PRKN: variants seen among roughly 807,000 people sequenced by gnomAD.
PRKN encodes E3 ubiquitin-protein ligase parkin.
PRKN carries 56 observed loss-of-function variants against 59.5 expected under a neutral mutation model. The observed-to-expected ratio is 0.94, with a 90% CI of 0.76 to 1.18. The LOEUF (loss-of-function observed/expected upper bound fraction) is 1.18. Among genes scored for constraint, PRKN ranks in the 50% most tolerant of loss-of-function variants. The pLI, the probability that PRKN is intolerant of heterozygous loss-of-function variation, is 0.00. For synonymous variants in PRKN, 250 were observed against 222.1 expected, an observed-to-expected ratio of 1.13 and a Z score of -1.12; for missense variants, 657 against 596.4, an observed-to-expected ratio of 1.10 and a Z score of -1.06.
intron 6 of PRKN, among the ~76,000 whole-genome samples, chr6:161,822,928 T>C (rs1209661743): frequency 6.6e-6 from 1 of 152,160 alleles, no homozygotes; most frequent in Non-Finnish European, 1.5e-5. Flanking sequence ...TTTTTTTAAC[T>C]GGTTTACTTA....
intron 2 of PRKN, among the ~76,000 whole-genome samples, chr6:162,314,941 G>C (rs887840338): frequency 6.6e-6 from 1 of 152,084 alleles, no homozygotes; most frequent in Non-Finnish European, 1.5e-5. Context: ...TATATAATTG[G>C]TTTTTCGAAA....
intron 2 of PRKN, among the ~76,000 whole-genome samples, chr6:162,312,223 T>A (rs375361676): frequency 6.6e-6 from 1 of 152,104 alleles, no homozygotes; most frequent in African/African-American, 2.4e-5. Context: ...CCTCTGCCAC[T>A]GTTTCATTTT....
intron 5 of PRKN, among the ~76,000 whole-genome samples, chr6:161,980,838 T>C (rs1781233771): frequency 6.6e-6 from 1 of 152,186 alleles, no homozygotes; most frequent in Admixed American, 6.5e-5. Context: ...AGGTGGACCC[T>C]GTGTGAGATC....
chr6:162,271,505 T>G (rs1438158971), intron 2 of PRKN: 1 of 148,940 alleles, frequency 6.7e-6, no homozygotes, highest in African/African-American at 2.5e-5. Flanking sequence ...ATCGCACCAG[T>G]CCACTCCAGC....
Position 162,215,237 on chromosome 6 carries a change from C to T in PRKN, c.413-13985G>A, listed in dbSNP as rs185555162. 2.0e-3 allele frequency among the ~76,000 whole-genome samples: 306 copies of T among 152,282 alleles called. 1 individual carries two copies. The highest frequency in any genetic ancestry group is 7.1e-3 in the African/African-American group (297 of 41,566). On this transcript the variant is annotated intron_variant, in intron 3 of 11. Transcript: ENST00000366898. ...TAGATTCTTTTGAAGGTGAAGGCTA[C>T]ATTTTATTGCATTCTCCCTGGTGTT...
intron 9 of PRKN, among the ~76,000 whole-genome samples, chr6:161,432,355 ATTTT>A (rs1188841520): frequency 5.9e-3 from 540 of 92,214 alleles, no homozygotes; most frequent in African/African-American, 0.013. Flanking sequence ...ACTTCCTCTG[ATTTT>A]TTTTTTTTTT....
intron 9 of PRKN, among the ~76,000 whole-genome samples, chr6:161,394,027 C>T (rs190732392): frequency 4.3e-4 from 65 of 152,228 alleles, no homozygotes; most frequent in African/African-American, 1.3e-3. Context: ...TAAGTCCAGC[C>T]TCTGTAAAGG....
intron 1 of PRKN, among the ~76,000 whole-genome samples, chr6:162,496,908 T>C (rs1224845269): frequency 6.6e-6 from 1 of 152,198 alleles, no homozygotes; most frequent in Non-Finnish European, 1.5e-5. Context: ...TCTGCCACTG[T>C]CCTGGTTTAC....
At chr6:162,039,276 C>T (rs186919487) in intron 5 of PRKN, among the ~76,000 whole-genome samples, 1 of 152,252 alleles carries the variant, frequency 6.6e-6, no homozygotes, top group Non-Finnish European at 1.5e-5. Flanking sequence ...GATCACATAA[C>T]TCTACTTCGG....
intron 4 of PRKN, among the ~76,000 whole-genome samples, chr6:162,161,017 A>G (rs1217627854): frequency 1.3e-5 from 2 of 152,070 alleles, no homozygotes; most frequent in Non-Finnish European, 2.9e-5. Flanking sequence ...CTTCCTGTCT[A>G]TAGGCAAGGA....
At chr6:162,562,296 A>T (rs1406380827) in intron 1 of PRKN, among the ~76,000 whole-genome samples, 2 of 152,120 alleles carry the variant, frequency 1.3e-5, no homozygotes, top group Admixed American at 6.5e-5. Context: ...CAGCAGCAAT[A>T]TCCAGGTACC....
rs1022705241 is a variant in PRKN at position 161,529,085 on chromosome 6, T to C, written c.1083+19769A>G. Among the ~76,000 whole-genome samples, 26 of 152,204 alleles carry C rather than the reference T, an allele frequency of 1.7e-4. No individual in the cohort carries two copies. The highest frequency in any genetic ancestry group is 5.8e-4 in the African/African-American group (24 of 41,450). On this transcript the variant is annotated intron_variant, in intron 9 of 11. Coordinates refer to ENST00000366898, the MANE Select transcript of PRKN (RefSeq NM_004562.3). The surrounding 1 kb of genome is among the most constrained non-coding windows in gnomAD (Gnocchi z 4.4). Reference sequence around the variant, plus strand: ...TCTGCTACTTAAAACAGCTGTCTTATGTCTATGAGATATACGAGCCACAAC... The same window carrying C: ...TCTGCTACTTAAAACAGCTGTCTTACGTCTATGAGATATACGAGCCACAAC...
At chr6:162,382,488 G>C (rs534330788) in intron 2 of PRKN, among the ~76,000 whole-genome samples, 3 of 152,250 alleles carry the variant, frequency 2.0e-5, no homozygotes, top group Non-Finnish European at 4.4e-5. Context: ...GCGTATAATA[G>C]CATTATGTAT....
intron 5 of PRKN, among the ~76,000 whole-genome samples, chr6:161,974,179 T>A (rs1780936956): frequency 6.6e-6 from 1 of 151,678 alleles, no homozygotes. Flanking sequence ...AGGCAGGAAA[T>A]CGCTTGAGCC....
chr6:162,348,167 C>G (rs936492805), intron 2 of PRKN, among the ~76,000 whole-genome samples: 4 of 152,196 alleles, frequency 2.6e-5, no homozygotes, highest in African/African-American at 9.7e-5. Context: ...CTTATACCCA[C>G]CAGTGAAACT....
chr6:162,206,599 T>C (rs1784950166), intron 3 of PRKN, among the ~76,000 whole-genome samples: 1 of 152,132 alleles, frequency 6.6e-6, no homozygotes, highest in South Asian at 2.1e-4. Context: ...CCATATTCCC[T>C]CAGTTCAGCC....
Position 162,579,722 on chromosome 6 carries a change from TCA to T in PRKN, c.8-136251_8-136250del, listed in dbSNP as rs375810560. ...ACACACAAATTTCACACACACAAAA[TCA>T]CACAGATTGAAACACACACATTCAC... On this transcript the variant is annotated intron_variant, in intron 1 of 11. Transcript: ENST00000366898. Among the ~76,000 whole-genome samples the T allele has an allele frequency of 4.3e-3, 651 of 151,898 alleles. 2 individuals carry two copies. The highest frequency in any genetic ancestry group is 6.8e-3 in the Middle Eastern group (2 of 292).
chr6:162,510,229 G>A (rs1031301318), intron 1 of PRKN, among the ~76,000 whole-genome samples: 1 of 152,198 alleles, frequency 6.6e-6, no homozygotes, highest in Non-Finnish European at 1.5e-5. Flanking sequence ...GTCCAAAGCA[G>A]TTAGATAAAG....
Position 161,361,639 on chromosome 6 carries a change from T to C in PRKN, c.1168-1434A>G, listed in dbSNP as rs1784979584. ...GGGGGCACCACAGACAAGCTTTGCC[T>C]AGGGCTGGTCACTGGGTGAAGCCAA... On this transcript the variant is annotated intron_variant, in intron 10 of 11. Transcript: ENST00000366898. The surrounding 1 kb of genome is among the most constrained non-coding windows in gnomAD (Gnocchi z 5.2). Among the ~76,000 whole-genome samples the C allele has an allele frequency of 6.6e-6, 1 of 152,228 alleles. No individual in the cohort carries two copies. The highest frequency in any genetic ancestry group is 1.5e-5 in the Non-Finnish European group (1 of 68,050).
Sources: gnomAD v4.1 joint callset for allele counts (sites outside exome capture counted in the v4.1 genomes callset) on GRCh38, gnomAD v4.1.1 for gene constraint, Gnocchi (gnomAD v3.1) non-coding constraint, MANE v1.5 for transcripts, NCBI Gene and HGNC (gene_info 2026-07-23, HGNC 2026-07-21) for gene names.